HAPLN1: variants seen among roughly 807,000 people sequenced by gnomAD.
HAPLN1 encodes the protein Cartilage link protein.
HAPLN1 carries 13 observed loss-of-function variants against 36.5 expected under a neutral mutation model. That is an observed-to-expected ratio of 0.36 (90% CI 0.23 to 0.57). HAPLN1 has a LOEUF of 0.57. Among genes scored for constraint, HAPLN1 ranks in the 20% least tolerant of loss-of-function variants. The pLI, the probability that HAPLN1 is intolerant of heterozygous loss-of-function variation, is 0.83. For synonymous variants in HAPLN1, 202 were observed against 169.8 expected (o/e 1.19, Z -1.48); for missense variants, 407 against 439.7 (o/e 0.93, Z 0.66).
chr5:83,659,791 T>C (rs1750331023), intron 2 of HAPLN1, among the ~76,000 whole-genome samples: 1 of 152,158 alleles, frequency 6.6e-6, no homozygotes, highest in African/African-American at 2.4e-5. Context: ...ATACATGGTA[T>C]CACATTTCCC....
intron 1 of HAPLN1, among the ~76,000 whole-genome samples, chr5:83,690,360 GT>G (rs1751242841): frequency 6.6e-6 from 1 of 152,056 alleles, no homozygotes; most frequent in Non-Finnish European, 1.5e-5. Context: ...GTAGAAACAG[GT>G]TTTTTAGTAG....
rs1749578500 is a variant in HAPLN1, at chr5:83,638,364, A to G, written c.*3132T>C. 6.6e-6 allele frequency: 1 copy of G among 152,028 alleles called. No homozygotes were observed. Among genetic ancestry groups the G allele is most frequent in the Admixed American group, 6.6e-5 (1 of 15,256 alleles). The allele number at this position is 152,028 out of a possible 1,614,324, so 9.4% of individuals were successfully genotyped here. A position where few individuals can be genotyped will look rare whatever the true frequency, so the allele number is the denominator to read the frequency against. On this transcript the variant is annotated 3_prime_UTR_variant, in exon 5 of 5. Transcript: ENST00000274341. ...TTTCTTTTAATCAGGTGGCTTAATAACTTTTGTATTTTTCATCTCTTTCGT... is the reference window on the plus strand; with the variant it reads ...TTTCTTTTAATCAGGTGGCTTAATAGCTTTTGTATTTTTCATCTCTTTCGT...
chr5:83,713,093 A>G (rs565394339), intron 1 of HAPLN1, among the ~76,000 whole-genome samples: 2 of 152,000 alleles, frequency 1.3e-5, no homozygotes, highest in South Asian at 4.2e-4. Flanking sequence ...CTGGTGAATT[A>G]CCATCTACAC....
At chr5:83,701,497 C>T (rs925250234) in intron 1 of HAPLN1, among the ~76,000 whole-genome samples, 1 of 152,216 alleles carries the variant, frequency 6.6e-6, no homozygotes, top group African/African-American at 2.4e-5. Context: ...GTTTGGAACA[C>T]ATTTGGTCCT....
At chr5:83,645,250 A>G (rs970906789) in intron 3 of HAPLN1, among the ~76,000 whole-genome samples, 1 of 152,148 alleles carries the variant, frequency 6.6e-6, no homozygotes, top group Non-Finnish European at 1.5e-5. Flanking sequence ...AAATTATTCA[A>G]ATGTAGATAT....
chr5:83,701,927 AACACACACACACACAC>A (rs112813015), intron 1 of HAPLN1, among the ~76,000 whole-genome samples: 1 of 143,848 alleles, frequency 7.0e-6, no homozygotes, highest in African/African-American at 2.6e-5. Flanking sequence ...CTTCGACAAA[AACACACACACACACAC>A]ACACACACAC....
intron 1 of HAPLN1, among the ~76,000 whole-genome samples, chr5:83,689,468 T>C (rs2112618245): frequency 6.6e-6 from 1 of 152,194 alleles, no homozygotes; most frequent in South Asian, 2.1e-4. Context: ...ACTACAACTT[T>C]TTTTTCACTC....
chr5:83,720,229 A>C (rs2124884), intron 1 of HAPLN1, among the ~76,000 whole-genome samples: 4 of 152,082 alleles, frequency 2.6e-5, no homozygotes, highest in African/African-American at 7.2e-5. Flanking sequence ...ATGCATCATC[A>C]TTCTATGATC....
intron 1 of HAPLN1, among the ~76,000 whole-genome samples, chr5:83,695,589 A>ATATCTATATAGATATCTATAG (rs1751373919): frequency 2.2e-5 from 3 of 139,214 alleles, no homozygotes; most frequent in Non-Finnish European, 3.1e-5. Context: ...TATAGAGATA[A>ATATCTATATAGATATCTATAG]ATATATATCT....
intron 1 of HAPLN1, among the ~76,000 whole-genome samples, chr5:83,701,766 C>G (rs879510818): frequency 1.2e-4 from 19 of 152,048 alleles, no homozygotes; most frequent in South Asian, 6.2e-4. Context: ...GGTGAAACCC[C>G]GTCTCTACTA....
chr5:83,676,245 C>T (rs1205724911), intron 1 of HAPLN1, among the ~76,000 whole-genome samples: 2 of 138,554 alleles, frequency 1.4e-5, no homozygotes, highest in East Asian at 4.2e-4. Flanking sequence ...CACAGAGATA[C>T]GCACACACAG....
At chr5:83,646,303 C>T (rs1275880390) in intron 3 of HAPLN1, among the ~76,000 whole-genome samples, 2 of 152,214 alleles carry the variant, frequency 1.3e-5, no homozygotes, top group African/African-American at 4.8e-5. Context: ...ATTTTGGCAT[C>T]TGGAATGCAA....
At chr5:83,682,538 CAA>C (rs1751029740) in intron 1 of HAPLN1, 2 of 152,202 alleles carry the variant, frequency 1.3e-5, no homozygotes, top group South Asian at 4.1e-4. Flanking sequence ...TTCATGCAGT[CAA>C]TCCTCATCTC....
At chr5:83,674,041 A>G (rs1056331757) in intron 1 of HAPLN1, 2 of 153,260 alleles carry the variant, frequency 1.3e-5, no homozygotes, top group African/African-American at 4.8e-5. Flanking sequence ...GCTTCCTAAG[A>G]AGGTTAGACT....
chr5:83,641,432 G>T lies in HAPLN1; in HGVS notation c.*64C>A. 1.5e-6 allele frequency: 2 copies of T among 1,292,008 alleles called. No individual in the cohort carries two copies. The highest frequency in any genetic ancestry group is 2.1e-6 in the Non-Finnish European group (2 of 957,300). The allele number at this position is 1,292,008 out of a possible 1,614,324, so 80.0% of individuals were successfully genotyped here. On this transcript the variant is annotated 3_prime_UTR_variant, in exon 5 of 5. Coordinates refer to ENST00000274341, the MANE Select transcript of HAPLN1 (RefSeq NM_001884.4). ...TGGTAACTTGCATGAGTTCATATTGGAAAAAAAAAACACCTTTCACATGTT... is the reference window on the plus strand; with the variant it reads ...TGGTAACTTGCATGAGTTCATATTGTAAAAAAAAAACACCTTTCACATGTT...
intron 2 of HAPLN1, among the ~76,000 whole-genome samples, chr5:83,661,208 A>ATATC (rs1554048351): frequency 2.0e-5 from 3 of 151,892 alleles, no homozygotes; most frequent in Non-Finnish European, 4.4e-5. Context: ...ATCTATATCT[A>ATATC]TATCTATATC....
chr5:83,677,490 C>T (rs1210007144), intron 1 of HAPLN1, among the ~76,000 whole-genome samples: 1 of 152,194 alleles, frequency 6.6e-6, no homozygotes, highest in African/African-American at 2.4e-5. Flanking sequence ...TTTTCTGATG[C>T]CATGGACTGG....
At chr5:83,692,601 G>A (rs1012666745) in intron 1 of HAPLN1, among the ~76,000 whole-genome samples, 2 of 151,814 alleles carry the variant, frequency 1.3e-5, no homozygotes, top group Admixed American at 6.6e-5. Context: ...TTCATCAATA[G>A]CCTACACAGA....
intron 1 of HAPLN1, among the ~76,000 whole-genome samples, chr5:83,685,490 A>G (rs538691624): frequency 6.6e-6 from 1 of 152,334 alleles, no homozygotes; most frequent in Non-Finnish European, 1.5e-5. Flanking sequence ...CTCATTGAAT[A>G]AATCATCACA....
Sources: gnomAD v4.1 joint callset for allele counts (sites outside exome capture counted in the v4.1 genomes callset) on GRCh38, gnomAD v4.1.1 for gene constraint, MANE v1.5 for transcripts, NCBI Gene and HGNC (gene_info 2026-07-23, HGNC 2026-07-21) for gene names.